The following ZKSCAN3 variants were observed in gnomAD, a reference collection of about 807,000 sequenced individuals.
The protein encoded by ZKSCAN3 is zinc finger protein with KRAB and SCAN domains 3.
Under a neutral mutation model 30.7 loss-of-function variants are expected in ZKSCAN3, and 21 were observed. The ratio of observed to expected loss-of-function variants is 0.68; its 90% CI spans 0.49 to 0.99. The LOEUF (loss-of-function observed/expected upper bound fraction) is 0.99. Among genes scored for constraint, ZKSCAN3 ranks in the 50% least tolerant of loss-of-function variants. The pLI is 0.00. For missense variants in ZKSCAN3, 507 were observed against 647.1 expected (o/e 0.78, Z 2.35); for synonymous variants, 201 against 246.7 (o/e 0.81, Z 1.73).
Position 28,359,750 on chromosome 6 carries a change from C to G in ZKSCAN3, c.164C>G (p.Pro55Arg). Residue 55 changes from proline (P) to arginine (R), a missense_variant, in exon 2 of 6, where the codon CCG becomes CGG. Pro to Arg is a moderately radical substitution (Grantham distance 103). Coordinates refer to ENST00000252211, the MANE Select transcript of ZKSCAN3 (RefSeq NM_024493.4). ...SRERFRGFRYPEAAGPREALS... is the reference protein window; with the variant it reads ...SRERFRGFRYREAAGPREALS... ...GAGCGCTTCCGAGGCTTCCGCTACC[C>G]GGAGGCTGCAGGCCCCCGCGAGGCG... 1 of 1,614,174 alleles carries G rather than the reference C, an allele frequency of 6.2e-7. No individual in the cohort carries two copies. The highest frequency in any genetic ancestry group is 1.1e-5 in the South Asian group (1 of 91,086).
intron 1 of ZKSCAN3, among the ~76,000 whole-genome samples, chr6:28,358,899 G>GAAAAAAAAAA (rs201554097): frequency 9.4e-6 from 1 of 106,076 alleles, no homozygotes; most frequent in Non-Finnish European, 2.0e-5. Flanking sequence ...AAACAAATAA[G>GAAAAAAAAAA]AAAAAAAAAA....
chr6:28,357,531 C>T (rs6922111), intron 1 of ZKSCAN3, among the ~76,000 whole-genome samples: 34,939 of 152,082 alleles, frequency 0.23, 4,424 homozygotes, highest in African/African-American at 0.32. Flanking sequence ...GTATCCTCAG[C>T]CCAGTTGCCT....
chr6:28,368,164 AATG>A lies in ZKSCAN3; in HGVS notation c.*1884_*1886del, dbSNP rs1766044200. 2 of 151,824 alleles carry A rather than the reference AATG, an allele frequency of 1.3e-5. No homozygotes were observed. Among genetic ancestry groups the A allele is most frequent in the Admixed American group, 1.3e-4 (2 of 15,224 alleles). The allele number at this position is 151,824 out of a possible 1,614,324, so 9.4% of individuals were successfully genotyped here. A position where few individuals can be genotyped will look rare whatever the true frequency, so the allele number is the denominator to read the frequency against. On this transcript the variant is annotated 3_prime_UTR_variant, in exon 6 of 6. Transcript: ENST00000252211. ...TTGTTCTTGGCGATAGTTTGCTGAG[AATG>A]ATGAGACGAGGTTTCACTGTGTTAG...
intron 3 of ZKSCAN3, 112 bp from the exon 4 acceptor site, chr6:28,363,191 G>A: frequency 2.1e-6 from 2 of 932,916 alleles, no homozygotes; most frequent in Non-Finnish European, 3.3e-6. Flanking sequence ...AGACTCCTGG[G>A]CTCAATCAAG....
intron 1 of ZKSCAN3, chr6:28,354,101 C>G (rs1012962132): frequency 9.0e-5 from 33 of 368,638 alleles, no homozygotes; most frequent in South Asian, 6.6e-4. Context: ...CAGCTGTACT[C>G]CTTGGCATGC....
rs753926921 is a variant in ZKSCAN3 at position 28,365,477 on chromosome 6, C to T, written c.809C>T (p.Pro270Leu). 1.9e-6 allele frequency: 3 copies of T among 1,614,028 alleles called. No homozygotes were observed. In the Admixed American group the frequency reaches 5.0e-5, roughly 27 times the overall value. Reference sequence around the variant, plus strand: ...GACTTGCCTCCAGCTGAGGAGCTTCCAGAAAAGGAGCATGGGAAGATATCG... The same window carrying T: ...GACTTGCCTCCAGCTGAGGAGCTTCTAGAAAAGGAGCATGGGAAGATATCG... The part of the protein sequence containing the change: ...SRDLPPAEEL[P>L]EKEHGKISCH... Residue 270 changes from proline (P) to leucine (L), a missense_variant, in exon 6 of 6, where the codon CCA becomes CTA. Physicochemically the swap from Pro to Leu is moderately conservative, Grantham distance 98 (BLOSUM62 -3). Transcript: ENST00000252211.
chr6:28,359,477 G>A (rs1338860492), intron 1 of ZKSCAN3, 48 bp from the exon 2 acceptor site: 17 of 1,382,850 alleles, frequency 1.2e-5, no homozygotes, highest in Non-Finnish European at 1.7e-5. Context: ...CAGGAGAGAA[G>A]GGACTACTTG....
intron 3 of ZKSCAN3, among the ~76,000 whole-genome samples, chr6:28,362,426 G>T (rs1051762888): frequency 6.6e-6 from 1 of 152,218 alleles, no homozygotes; most frequent in Middle Eastern, 3.4e-3. Flanking sequence ...ATAGGAAATG[G>T]CTGTATGTGT....
chr6:28,358,265 TC>T lies in ZKSCAN3; in HGVS notation c.-62-1258del, dbSNP rs1348320445. 2.0e-5 allele frequency among the ~76,000 whole-genome samples: 3 copies of T among 152,304 alleles called. No individual in the cohort carries two copies. The East Asian group carries it at 5.8e-4, about 29-fold the overall frequency. On this transcript the variant is annotated intron_variant, in intron 1 of 5. Coordinates refer to ENST00000252211, the MANE Select transcript of ZKSCAN3 (RefSeq NM_024493.4). Reference sequence around the variant, plus strand: ...AGAGGCACAATCATAGCTTACTGCATCCTTGAACTCCTGGGCTCAGGTGATC... The same window carrying T: ...AGAGGCACAATCATAGCTTACTGCATCTTGAACTCCTGGGCTCAGGTGATC...
chr6:28,356,732 G>A (rs893422137), intron 1 of ZKSCAN3, among the ~76,000 whole-genome samples: 5 of 152,220 alleles, frequency 3.3e-5, no homozygotes, highest in South Asian at 2.1e-4. Flanking sequence ...ACTCCTTCTC[G>A]GTCCTGTGCA....
intron 3 of ZKSCAN3, 91 bp downstream of exon 3, chr6:28,361,562 A>C (rs1246491436): frequency 2.1e-6 from 3 of 1,427,446 alleles, no homozygotes; most frequent in Non-Finnish European, 2.8e-6. Context: ...TAGGGGGCTT[A>C]TGTGCCCATC....
intron 3 of ZKSCAN3, among the ~76,000 whole-genome samples, chr6:28,362,135 G>C (rs1765794342): frequency 6.6e-6 from 1 of 152,160 alleles, no homozygotes; most frequent in African/African-American, 2.4e-5. Context: ...TCTTTAACTT[G>C]TAATTATGGA....
At chr6:28,354,147 G>A (rs956808205) in intron 1 of ZKSCAN3, 1 of 359,286 alleles carries the variant, frequency 2.8e-6, no homozygotes. Context: ...CTGTCTGCAA[G>A]ATGGCCAGTT....
chr6:28,360,020 G>C (rs1765674104), intron 2 of ZKSCAN3, 32 bp downstream of exon 2: 1 of 1,614,072 alleles, frequency 6.2e-7, no homozygotes, highest in African/African-American at 1.3e-5. Flanking sequence ...TCTGAGCGCT[G>C]TGGCCTGTTT....
rs1029248401 is a variant in ZKSCAN3, at chr6:28,367,666, T to G, written c.*1381T>G. The G allele has an allele frequency of 3.3e-5, 5 of 151,784 alleles. No homozygotes were observed. The highest frequency in any genetic ancestry group is 7.4e-5 in the Non-Finnish European group (5 of 67,958). The allele number at this position is 151,784 out of a possible 1,614,324, so 9.4% of individuals were successfully genotyped here. A position where few individuals can be genotyped will look rare whatever the true frequency, so the allele number is the denominator to read the frequency against. ...AACACACACTGTATAGTAAACTGCA[T>G]CAAAACTTATTCCTGCTAAGTTCAT... On this transcript the variant is annotated 3_prime_UTR_variant, in exon 6 of 6. Coordinates refer to ENST00000252211, the MANE Select transcript of ZKSCAN3 (RefSeq NM_024493.4).
chr6:28,365,568 G>A lies in ZKSCAN3; in HGVS notation c.900G>A (p.Arg300=). ...TCAEAGEQEG[R]LQRKQKNATG... is the part of the protein sequence containing the mutation. ...CAGAAGCTGGTGAACAGGAGGGCAG[G>A]CTACAAAGAAAGCAGAAAAATGCCA... The change falls in exon 6 of 6, where the codon AGG becomes AGA. Residue 300 remains arginine, a synonymous_variant. Coordinates refer to ENST00000252211, the MANE Select transcript of ZKSCAN3 (RefSeq NM_024493.4). 1 of 1,614,226 alleles carries A rather than the reference G, an allele frequency of 6.2e-7. No individual in the cohort carries two copies. The highest frequency in any genetic ancestry group is 1.3e-5 in the African/African-American group (1 of 75,048).
chr6:28,364,714 C>A lies in ZKSCAN3; in HGVS notation c.758-712C>A, dbSNP rs77558455. ...TGCCCAATTTCTGAGTCTCCACTTT[C>A]GCTGTTTCGTTTATTTATTTCTTTT... On this transcript the variant is annotated intron_variant, in intron 5 of 5. Transcript: ENST00000252211. 4.3e-3 allele frequency among the ~76,000 whole-genome samples: 658 copies of A among 152,212 alleles called. 5 individuals carry two copies. Among genetic ancestry groups the A allele is most frequent in the African/African-American group, 0.015 (604 of 41,538 alleles).
intron 1 of ZKSCAN3, 54 bp downstream of exon 1, chr6:28,350,121 G>C (rs1382991041): frequency 7.4e-6 from 1 of 135,440 alleles, no homozygotes; most frequent in African/African-American, 2.9e-5. Flanking sequence ...TTTGTGGAGA[G>C]AGGCCCTTCC....
At chr6:28,354,666 G>C (rs1386664558) in intron 1 of ZKSCAN3, among the ~76,000 whole-genome samples, 1 of 152,236 alleles carries the variant, frequency 6.6e-6, no homozygotes, top group African/African-American at 2.4e-5. Flanking sequence ...TCACTACATG[G>C]TGATGTTACC....
Sources: allele counts gnomAD v4.1 joint callset (sites outside exome capture counted in the v4.1 genomes callset), GRCh38; gene constraint gnomAD v4.1.1; transcripts MANE v1.5; gene names NCBI Gene and HGNC (gene_info 2026-07-23, HGNC 2026-07-21).